Variants in WSB1 observed in about 807,000 individuals in gnomAD.
WSB1 encodes the protein WD repeat and SOCS box-containing protein 1.
Under a neutral mutation model 50.2 loss-of-function variants are expected in WSB1, and 23 were observed. The ratio of observed to expected loss-of-function variants is 0.46; its 90% CI spans 0.33 to 0.65. WSB1 has a LOEUF of 0.65. Ranked by LOEUF, WSB1 falls within the 30% of genes least tolerant of loss-of-function variation. WSB1 has a pLI of 0.02. For synonymous variants in WSB1, 179 were observed against 172.0 expected (o/e 1.04, Z -0.32); for missense variants, 492 against 522.3 (o/e 0.94, Z 0.56).
Position 27,310,061 on chromosome 17 carries a change from G to A in WSB1, c.885G>A (p.Gly295=). ...PHNGDILMEF[G]HLFPPPTPIF... Reference sequence around the variant, plus strand: ...ACTGAAAACATATATTTGACCTCAGGCACCTGTTTCCCCCACCTACTCCAA... The same window carrying A: ...ACTGAAAACATATATTTGACCTCAGACACCTGTTTCCCCCACCTACTCCAA... Residue 295 remains glycine (G), a splice_region_variant and synonymous_variant, in exon 7 of 9, where the codon GGG becomes GGA. Transcript: ENST00000262394. 1 of 1,613,816 alleles carries A rather than the reference G, an allele frequency of 6.2e-7. No individual in the cohort carries two copies. Among genetic ancestry groups the A allele is most frequent in the Non-Finnish European group, 8.5e-7 (1 of 1,179,772 alleles).
At chr17:27,298,126 G>GAAAAA (rs35222722) in intron 1 of WSB1, among the ~76,000 whole-genome samples, 2 of 74,196 alleles carry the variant, frequency 2.7e-5, no homozygotes, top group Admixed American at 1.8e-4. Flanking sequence ...CTCCGTCTCA[G>GAAAAA]AAAAAAAAAA....
rs2016849540 is a variant in WSB1, at chr17:27,294,269, C to T, written c.-127C>T. On this transcript the variant is annotated 5_prime_UTR_variant, in exon 1 of 9. Coordinates refer to ENST00000262394, the MANE Select transcript of WSB1 (RefSeq NM_015626.10). ...GTTAGCAGAAGCCGCAGCGGCCGCC[C>T]CCGCCCGTCTCCTCTGTCCCTGGGC... The T allele has an allele frequency of 6.7e-6, 9 of 1,336,942 alleles. No individual in the cohort carries two copies. In the South Asian group the frequency reaches 1.0e-4, roughly 15 times the overall value. The allele number at this position is 1,336,942 out of a possible 1,614,324, so 82.8% of individuals were successfully genotyped here.
Position 27,294,176 on chromosome 17 carries a change from TA to T in WSB1, c.-219del, listed in dbSNP as rs1164047868. The T allele has an allele frequency of 4.4e-6, 2 of 449,442 alleles. No homozygotes were observed. The highest frequency in any genetic ancestry group is 7.9e-6 in the Non-Finnish European group (2 of 252,702). The allele number at this position is 449,442 out of a possible 1,614,324, so 27.8% of individuals were successfully genotyped here. On this transcript the variant is annotated 5_prime_UTR_variant, in exon 1 of 9. Transcript: ENST00000262394. ...CTTCCTCCGCAGGCGCGAGGCTGGG[TA>T]CAGGGTCTATTGTCTGTGGTTGACT...
chr17:27,307,825 AAG>A, intron 5 of WSB1: 1 of 1,515,572 alleles, frequency 6.6e-7, no homozygotes, highest in East Asian at 2.5e-5. Flanking sequence ...GCTGGGCAGA[AAG>A]AGTGGCATCT....
intron 1 of WSB1, among the ~76,000 whole-genome samples, chr17:27,300,944 A>G (rs2017202712): frequency 1.3e-5 from 2 of 151,538 alleles, no homozygotes; most frequent in African/African-American, 4.9e-5. Context: ...GTGCAGTGGC[A>G]CTTTCTTGGC....
Position 27,311,629 on chromosome 17 carries a change from TTCTC to T in WSB1, c.1106+15_1106+18del, listed in dbSNP as rs376158513. The T allele has an allele frequency of 5.3e-6, 8 of 1,505,840 alleles. No homozygotes were observed. The highest frequency in any genetic ancestry group is 7.1e-6 in the Non-Finnish European group (8 of 1,122,462). 93.3% of individuals were successfully genotyped at this position (1,505,840 alleles called of 1,614,324 possible). On this transcript the variant is annotated intron_variant, in intron 8 of 8. Transcript: ENST00000262394. Reference sequence around the variant, plus strand: ...TTTTAGCTGCTGGGTAAATATATTTTTCTCTTTTTTTTTTTTTTTTTTTTTTTTT... The same window carrying T: ...TTTTAGCTGCTGGGTAAATATATTTTTTTTTTTTTTTTTTTTTTTTTTTTT...
chr17:27,312,003 T>G (rs145187126), intron 8 of WSB1, among the ~76,000 whole-genome samples: 1 of 152,252 alleles, frequency 6.6e-6, no homozygotes, highest in African/African-American at 2.4e-5. Flanking sequence ...AGCTAGTAAT[T>G]TATTGTCAGT....
chr17:27,294,636 T>C (rs1193177942), intron 1 of WSB1, among the ~76,000 whole-genome samples: 1 of 152,170 alleles, frequency 6.6e-6, no homozygotes, highest in Non-Finnish European at 1.5e-5. Context: ...CAGCACCTAC[T>C]GTGCTCCCTC....
Position 27,315,596 on chromosome 17 carries a change from G to GT in WSB1, c.*3228dup, listed in dbSNP as rs1290049184. Reference sequence around the variant, plus strand: ...TGGCCGTCAGCCAGCCAGCACAGGCGTAAGAAAATAGCATGAGAAGTTTCA... The same window carrying GT: ...TGGCCGTCAGCCAGCCAGCACAGGCGTTAAGAAAATAGCATGAGAAGTTTCA... On this transcript the variant is annotated 3_prime_UTR_variant, in exon 9 of 9. Coordinates refer to ENST00000262394, the MANE Select transcript of WSB1 (RefSeq NM_015626.10). 1 of 152,192 alleles carries GT rather than the reference G, an allele frequency of 6.6e-6. No individual in the cohort carries two copies. Among genetic ancestry groups the GT allele is most frequent in the Non-Finnish European group, 1.5e-5 (1 of 68,044 alleles). 9.4% of individuals were successfully genotyped at this position (152,192 alleles called of 1,614,324 possible).
Position 27,312,428 on chromosome 17 carries a change from G to T in WSB1, c.*59G>T. ...AGAATACACTTAACACAAACCTCAA[G>T]CTTTACTGACTTCAATTATCTGTTT... On this transcript the variant is annotated 3_prime_UTR_variant, in exon 9 of 9. Transcript: ENST00000262394. 6.4e-7 allele frequency: 1 copy of T among 1,571,760 alleles called. No individual in the cohort carries two copies. The highest frequency in any genetic ancestry group is 8.6e-7 in the Non-Finnish European group (1 of 1,164,924).
Position 27,294,293 on chromosome 17 carries a change from GC to G in WSB1, c.-100del. On this transcript the variant is annotated 5_prime_UTR_variant, in exon 1 of 9. Coordinates refer to ENST00000262394, the MANE Select transcript of WSB1 (RefSeq NM_015626.10). Reference sequence around the variant, plus strand: ...CCCCGCCCGTCTCCTCTGTCCCTGGGCCCGGGAGGGACCAACTTGGCGTCAC... The same window carrying G: ...CCCCGCCCGTCTCCTCTGTCCCTGGGCCGGGAGGGACCAACTTGGCGTCAC... 1 of 1,508,236 alleles carries G rather than the reference GC, an allele frequency of 6.6e-7. No homozygotes were observed. Among genetic ancestry groups the G allele is most frequent in the Non-Finnish European group, 9.1e-7 (1 of 1,103,456 alleles). 93.4% of individuals were successfully genotyped at this position (1,508,236 alleles called of 1,614,324 possible).
chr17:27,303,743 A>G, intron 3 of WSB1, 108 bp downstream of exon 3: 2 of 1,370,110 alleles, frequency 1.5e-6, no homozygotes, highest in Middle Eastern at 2.2e-4. Flanking sequence ...AAAAGCAAGA[A>G]TTGATGGCAT....
intron 7 of WSB1, among the ~76,000 whole-genome samples, chr17:27,310,746 A>G (rs1171612863): frequency 2.0e-5 from 3 of 152,094 alleles, no homozygotes; most frequent in Non-Finnish European, 2.9e-5. Flanking sequence ...GTCTGCAACC[A>G]TTGTTTCCTG....
chr17:27,298,345 C>G (rs942752059), intron 1 of WSB1, among the ~76,000 whole-genome samples: 2 of 151,474 alleles, frequency 1.3e-5, no homozygotes, highest in African/African-American at 4.9e-5. Context: ...CATTTTTTTC[C>G]TCCTAAAAAT....
At chr17:27,307,432 CTTGTAG>C in intron 5 of WSB1, 1 of 412,554 alleles carries the variant, frequency 2.4e-6, no homozygotes, top group Non-Finnish European at 4.4e-6. Flanking sequence ...TTGATGAACT[CTTGTAG>C]TTGTTTACCA....
In WSB1 at chr17:27,294,411, C is replaced by G; in HGVS notation, c.16C>G (p.Pro6Ala). Residue 6 changes from proline to alanine, a missense_variant, in exon 1 of 9, where the codon CCG (proline) becomes GCG (alanine). By Grantham distance (27) the Pro-to-Ala change is conservative (BLOSUM62 -1). Coordinates refer to ENST00000262394, the MANE Select transcript of WSB1 (RefSeq NM_015626.10). MASFP[P>A]RVNEKEIVRL... ...TGCCCCATAGATGGCCAGCTTTCCC[C>G]CGAGGGTCAACGAGAAAGAGATCGG... The G allele has an allele frequency of 6.2e-7, 1 of 1,613,870 alleles. No homozygotes were observed. Among genetic ancestry groups the G allele is most frequent in the East Asian group, 2.2e-5 (1 of 44,856 alleles).
At chr17:27,304,215 T>G (rs537936953) in intron 3 of WSB1, among the ~76,000 whole-genome samples, 1 of 152,250 alleles carries the variant, frequency 6.6e-6, no homozygotes, top group Admixed American at 6.5e-5. Context: ...ACATAGGTGA[T>G]AATGAGTCAA....
rs937653635 is a variant in WSB1, at chr17:27,314,775, C to G, written c.*2406C>G. The G allele has an allele frequency of 2.0e-5, 3 of 151,948 alleles. No individual in the cohort carries two copies. The highest frequency in any genetic ancestry group is 4.8e-5 in the African/African-American group (2 of 41,370). The allele number at this position is 151,948 out of a possible 1,614,324, so 9.4% of individuals were successfully genotyped here. Reference sequence around the variant, plus strand: ...CCACCTCCTGGGTTCAAGCAATTCTCCTGCCTCAGCCTCCCAAGCAGCTGG... The same window carrying G: ...CCACCTCCTGGGTTCAAGCAATTCTGCTGCCTCAGCCTCCCAAGCAGCTGG... On this transcript the variant is annotated 3_prime_UTR_variant, in exon 9 of 9. Transcript: ENST00000262394.
intron 1 of WSB1, among the ~76,000 whole-genome samples, chr17:27,294,863 A>ATT (rs2016886941): frequency 6.6e-6 from 1 of 152,032 alleles, no homozygotes; most frequent in Admixed American, 6.5e-5. Context: ...AACCACTCTT[A>ATT]GATAGAAATG....
Sources: allele counts gnomAD v4.1 joint callset (sites outside exome capture counted in the v4.1 genomes callset), GRCh38; gene constraint gnomAD v4.1.1; transcripts MANE v1.5; gene names NCBI Gene and HGNC (gene_info 2026-07-23, HGNC 2026-07-21).